Variants in SULT1E1 observed in about 807,000 individuals in gnomAD.
The protein encoded by SULT1E1 is sulfotransferase family 1E member 1.
Under a neutral mutation model 33.6 loss-of-function variants are expected in SULT1E1, and 36 were observed. The ratio of observed to expected loss-of-function variants is 1.07; its 90% CI spans 0.82 to 1.41. The LOEUF is 1.41. SULT1E1 is among the 40% of genes most tolerant of loss of function. SULT1E1 has a pLI of 0.00. For missense variants in SULT1E1, 371 were observed against 345.7 expected, an observed-to-expected ratio of 1.07 and a Z score of -0.58; for synonymous variants, 121 against 111.7, an observed-to-expected ratio of 1.08 and a Z score of -0.53.
downstream of SULT1E1, among the ~76,000 whole-genome samples, chr4:69,836,794 C>G (rs1720804638): frequency 6.6e-6 from 1 of 151,900 alleles, no homozygotes; most frequent in Admixed American, 6.6e-5. Flanking sequence ...ATACTGTGTT[C>G]CTGTCATCAT....
Position 69,842,155 on chromosome 4 carries a change from T to A in SULT1E1, c.773-49A>T, listed in dbSNP as rs567018507. On this transcript the variant is annotated intron_variant, in intron 7 of 7. Coordinates refer to ENST00000226444, the MANE Select transcript of SULT1E1 (RefSeq NM_005420.3). ...TAAATATTAAGTCTTCCAAAAAGAA[T>A]CATTAGGTTTGCTAATTTCATCACT... 19 of 1,087,178 alleles carry A rather than the reference T, an allele frequency of 1.7e-5. No homozygotes were observed. The East Asian group carries it at 4.3e-4, about 25-fold the overall frequency. 67.3% of individuals were successfully genotyped at this position (1,087,178 alleles called of 1,614,324 possible). A position where few individuals can be genotyped will look rare whatever the true frequency, so the allele number is the denominator to read the frequency against.
intron 3 of SULT1E1, among the ~76,000 whole-genome samples, 195 bp downstream of exon 3, chr4:69,855,106 T>C (rs1025476222): frequency 6.6e-6 from 1 of 152,090 alleles, no homozygotes; most frequent in Non-Finnish European, 1.5e-5. Flanking sequence ...ATTCACTCTA[T>C]TCCAGACATA....
intron 1 of SULT1E1, among the ~76,000 whole-genome samples, chr4:69,858,711 A>G (rs1398455678): frequency 1.3e-5 from 2 of 152,166 alleles, no homozygotes; most frequent in African/African-American, 4.8e-5. Context: ...TGAGATTTCT[A>G]TTTCCAAAAT....
In SULT1E1 at chr4:69,844,252, C is replaced by T. The variant is rs781623917; in HGVS notation, c.681G>A (p.Ser227=). 24 of 1,613,738 alleles carry T rather than the reference C, an allele frequency of 1.5e-5. No homozygotes were observed. Among genetic ancestry groups the T allele is most frequent in the South Asian group, 4.4e-5 (4 of 91,084 alleles). ...ATGGATTGTTCTTCATCTCTTGGAA[C>T]GAAGTATGATGTATAATCCTGTCCA... ...ELVDRIIHHT[S]FQEMKNNPST... is the part of the protein sequence containing the mutation. The change falls in exon 7 of 8, where the codon TCG becomes TCA. Residue 227 remains serine, a synonymous_variant. Transcript: ENST00000226444.
intron 2 of SULT1E1, among the ~76,000 whole-genome samples, chr4:69,856,002 G>T (rs1721228315): frequency 6.6e-6 from 1 of 152,154 alleles, no homozygotes; most frequent in Admixed American, 6.6e-5. Flanking sequence ...TACTGTTGTT[G>T]CTGCTGACAT....
chr4:69,841,968 G>A lies in SULT1E1; in HGVS notation c.*26C>T. On this transcript the variant is annotated 3_prime_UTR_variant, in exon 8 of 8. Transcript: ENST00000226444. ...TAATGAAAAGAAATCTTTAATATCAGATATGTTAAGTAAAGAAAGACCTTC... is the reference window on the plus strand; with the variant it reads ...TAATGAAAAGAAATCTTTAATATCAAATATGTTAAGTAAAGAAAGACCTTC... 8.2e-7 allele frequency: 1 copy of A among 1,220,646 alleles called. No homozygotes were observed. The highest frequency in any genetic ancestry group is 1.2e-6 in the Non-Finnish European group (1 of 843,972). The allele number at this position is 1,220,646 out of a possible 1,614,324, so 75.6% of individuals were successfully genotyped here. A position where few individuals can be genotyped will look rare whatever the true frequency, so the allele number is the denominator to read the frequency against.
intron 1 of SULT1E1, among the ~76,000 whole-genome samples, chr4:69,858,993 G>A (rs1025358073): frequency 1.3e-5 from 2 of 152,046 alleles, no homozygotes; most frequent in Non-Finnish European, 2.9e-5. Flanking sequence ...GGCAAAGTAG[G>A]TGGCATGTAA....
intron 2 of SULT1E1, 117 bp downstream of exon 2, chr4:69,857,383 C>T (rs1721263589): frequency 1.5e-6 from 2 of 1,297,512 alleles, no homozygotes; most frequent in Non-Finnish European, 2.1e-6. Context: ...CATATCAAAA[C>T]TACCGCATCT....
the SULT1E1 span, among the ~76,000 whole-genome samples, chr4:69,826,961 A>C: frequency 6.6e-6 from 1 of 152,074 alleles, no homozygotes; most frequent in African/African-American, 2.4e-5. Flanking sequence ...CCCTTCCCAG[A>C]AGGAAACAAG....
chr4:69,824,695 C>A, the SULT1E1 span, among the ~76,000 whole-genome samples: 1 of 152,074 alleles, frequency 6.6e-6, no homozygotes, highest in Non-Finnish European at 1.5e-5. Flanking sequence ...CCAATCAGCA[C>A]TCTGTAAAGC....
the SULT1E1 span, among the ~76,000 whole-genome samples, chr4:69,823,590 A>T: frequency 1.2e-4 from 19 of 152,106 alleles, no homozygotes; most frequent in Admixed American, 1.2e-3. Context: ...TTTGTGGCCC[A>T]TACGGTGTCT....
chr4:69,845,482 A>C (rs1283125478), intron 6 of SULT1E1, among the ~76,000 whole-genome samples: 4 of 151,470 alleles, frequency 2.6e-5, no homozygotes, highest in African/African-American at 4.8e-5. Flanking sequence ...AGACACAAGA[A>C]AAAAGATTAT....
intron 2 of SULT1E1, among the ~76,000 whole-genome samples, chr4:69,855,716 T>A (rs1721219247): frequency 6.6e-6 from 1 of 152,236 alleles, no homozygotes; most frequent in Admixed American, 6.5e-5. Context: ...TTTTGGACTT[T>A]AATTTTTACA....
chr4:69,831,845 G>A, the SULT1E1 span, among the ~76,000 whole-genome samples: 8 of 152,042 alleles, frequency 5.3e-5, no homozygotes, highest in African/African-American at 9.7e-5. Context: ...CACACCGCTC[G>A]GAGCACACAG....
chr4:69,847,891 G>A (rs1302621542), intron 5 of SULT1E1, 99 bp from the exon 6 acceptor site: 5 of 637,740 alleles, frequency 7.8e-6, no homozygotes, highest in Non-Finnish European at 1.3e-5. Context: ...AATATAAATA[G>A]ATAATCATGA....
intron 5 of SULT1E1, 26 bp downstream of exon 5, chr4:69,849,411 A>T: frequency 6.2e-7 from 1 of 1,602,234 alleles, no homozygotes. Context: ...TTGAAAAAAA[A>T]TTCAGTGTAA....
At chr4:69,837,036 T>C (rs1720807687), downstream of SULT1E1, among the ~76,000 whole-genome samples, 1 of 151,988 alleles carries the variant, frequency 6.6e-6, no homozygotes, top group Non-Finnish European at 1.5e-5. Context: ...TGAGCTATGA[T>C]TGTGCCACTG....
At chr4:69,848,093 TG>T in intron 5 of SULT1E1, among the ~76,000 whole-genome samples, 1 of 138,414 alleles carries the variant, frequency 7.2e-6, no homozygotes. Context: ...AACTGGTGTG[TG>T]TGTGTGTGTG....
chr4:69,849,558 G>A lies in SULT1E1; in HGVS notation c.375C>T (p.Ile125=). 2 of 1,603,630 alleles carry A rather than the reference G, an allele frequency of 1.2e-6. No individual in the cohort carries two copies. Among genetic ancestry groups the A allele is most frequent in the East Asian group, 2.2e-5 (1 of 44,726 alleles). The part of the protein sequence containing the change: ...ASFWEKDCKI[I]YLCRNAKDVA... ...CATCCTTTGCATTCCGGCAAAGATAGATTATCTAAGAGGATGAAATTGTAT... is the reference window on the plus strand; with the variant it reads ...CATCCTTTGCATTCCGGCAAAGATAAATTATCTAAGAGGATGAAATTGTAT... The change falls in exon 5 of 8, where the codon ATC becomes ATT. Residue 125 remains isoleucine, a synonymous_variant. Coordinates refer to ENST00000226444, the MANE Select transcript of SULT1E1 (RefSeq NM_005420.3).
Sources: gnomAD v4.1 joint callset for allele counts (sites outside exome capture counted in the v4.1 genomes callset) on GRCh38, gnomAD v4.1.1 for gene constraint, MANE v1.5 for transcripts, NCBI Gene and HGNC (gene_info 2026-07-23, HGNC 2026-07-21) for gene names.